The following PKP4 variants were observed in gnomAD, a reference collection of about 807,000 sequenced individuals.
PKP4 encodes plakophilin 4.
A neutral mutation model predicts 145.1 loss-of-function variants in PKP4; 90 were observed. The observed-to-expected ratio is 0.62, with a 90% CI of 0.52 to 0.74. The LOEUF (loss-of-function observed/expected upper bound fraction) is 0.74. Among genes scored for constraint, PKP4 ranks in the 30% least tolerant of loss-of-function variants. The probability of loss-of-function intolerance (pLI) is 0.00; values close to 1 mark genes in which losing one functional copy is unlikely to be tolerated. For missense variants in PKP4, 1,340 were observed against 1,482.7 expected (o/e 0.90, Z 1.58); for synonymous variants, 563 against 577.2 (o/e 0.98, Z 0.35).
At chr2:158,584,371 T>C (rs1208494914) in intron 3 of PKP4, among the ~76,000 whole-genome samples, 1 of 152,234 alleles carries the variant, frequency 6.6e-6, no homozygotes, top group East Asian at 1.9e-4. Flanking sequence ...TAGGGACCAG[T>C]GCAGCCTTCC....
At chr2:158,641,600 G>A (rs1004722737) in intron 10 of PKP4, among the ~76,000 whole-genome samples, 64 of 152,068 alleles carry the variant, frequency 4.2e-4, no homozygotes, top group Non-Finnish European at 6.5e-4. Context: ...CTGACCCACT[G>A]TGTTATATAA....
intron 8 of PKP4, among the ~76,000 whole-genome samples, chr2:158,633,162 G>C (rs2053528568): frequency 6.6e-6 from 1 of 152,212 alleles, no homozygotes; most frequent in African/African-American, 2.4e-5. Context: ...TATCCATGGA[G>C]AATACGTTCC....
At chr2:158,661,677 T>G (rs1414140792) in intron 13 of PKP4, 7 of 383,962 alleles carry the variant, frequency 1.8e-5, no homozygotes, top group Admixed American at 3.9e-5. Context: ...TGGTAAAGGC[T>G]TTCTCTCTGG....
chr2:158,543,222 A>C (rs1296112708), intron 2 of PKP4, among the ~76,000 whole-genome samples: 1 of 152,188 alleles, frequency 6.6e-6, no homozygotes, highest in Non-Finnish European at 1.5e-5. Context: ...TCTAGTCCAA[A>C]ATATCTGAAT....
At chr2:158,562,914 G>A (rs1056137838) in intron 2 of PKP4, among the ~76,000 whole-genome samples, 9 of 151,970 alleles carry the variant, frequency 5.9e-5, no homozygotes, top group Admixed American at 5.9e-4. Context: ...ATAAGATTAC[G>A]GTTGATTATC....
intron 1 of PKP4, among the ~76,000 whole-genome samples, chr2:158,461,620 A>C (rs1559170922): frequency 6.6e-6 from 1 of 152,054 alleles, no homozygotes; most frequent in Non-Finnish European, 1.5e-5. Flanking sequence ...TAGATATAGA[A>C]TAATACAGTC....
At chr2:158,566,346 A>G (rs528156077) in intron 2 of PKP4, among the ~76,000 whole-genome samples, 1 of 152,178 alleles carries the variant, frequency 6.6e-6, no homozygotes, top group South Asian at 2.1e-4. Flanking sequence ...AAAATTGGTC[A>G]TTTATTCTTT....
At chr2:158,581,194 C>T (rs1264647833) in intron 3 of PKP4, among the ~76,000 whole-genome samples, 2 of 152,154 alleles carry the variant, frequency 1.3e-5, no homozygotes, top group African/African-American at 4.8e-5. Flanking sequence ...AGCTCTTAGA[C>T]CCAGGCCCCC....
intron 2 of PKP4, among the ~76,000 whole-genome samples, chr2:158,550,520 C>T (rs1394141653): frequency 1.3e-5 from 2 of 152,148 alleles, no homozygotes; most frequent in African/African-American, 4.8e-5. Flanking sequence ...AGCACTTTAC[C>T]ACCAGGGCTG....
intron 4 of PKP4, among the ~76,000 whole-genome samples, chr2:158,605,551 C>G (rs1260982305): frequency 2.0e-5 from 3 of 152,058 alleles, no homozygotes; most frequent in Admixed American, 2.0e-4. Flanking sequence ...GGCACACATG[C>G]ATGTGAACTT....
At chr2:158,499,237 G>T (rs1377245367) in intron 1 of PKP4, among the ~76,000 whole-genome samples, 1 of 151,962 alleles carries the variant, frequency 6.6e-6, no homozygotes, top group African/African-American at 2.4e-5. Flanking sequence ...ATTAAAAAAT[G>T]GGCCCCTTTC....
intron 17 of PKP4, among the ~76,000 whole-genome samples, chr2:158,672,985 A>C (rs1249093676): frequency 6.6e-6 from 1 of 152,126 alleles, no homozygotes; most frequent in Admixed American, 6.5e-5. Flanking sequence ...AGTACCACCC[A>C]AATGTAGAGA....
chr2:158,604,779 A>G (rs760023169), intron 4 of PKP4, among the ~76,000 whole-genome samples: 2 of 152,212 alleles, frequency 1.3e-5, no homozygotes, highest in Non-Finnish European at 2.9e-5. Context: ...TACTAAAGAA[A>G]GCCTTTATTC....
At chr2:158,530,302 A>G (rs200175788) in intron 1 of PKP4, among the ~76,000 whole-genome samples, 1 of 152,086 alleles carries the variant, frequency 6.6e-6, no homozygotes, top group Non-Finnish European at 1.5e-5. Flanking sequence ...TTTTCCAAAA[A>G]CAGCCATGGC....
intron 1 of PKP4, among the ~76,000 whole-genome samples, chr2:158,482,071 T>C (rs1038260902): frequency 6.6e-6 from 1 of 152,224 alleles, no homozygotes; most frequent in South Asian, 2.1e-4. Context: ...GTCTAAAATA[T>C]ATCCACTAGT....
intron 2 of PKP4, among the ~76,000 whole-genome samples, chr2:158,566,635 C>T (rs1208645068): frequency 6.6e-6 from 1 of 152,068 alleles, no homozygotes; most frequent in Non-Finnish European, 1.5e-5. Context: ...AAATAACTAC[C>T]TTGTTGGAAA....
chr2:158,493,685 T>G (rs546534288), intron 1 of PKP4, among the ~76,000 whole-genome samples: 1 of 152,372 alleles, frequency 6.6e-6, no homozygotes, highest in African/African-American at 2.4e-5. Flanking sequence ...TTCTAGTCCC[T>G]GTAGGTGTCT....
intron 1 of PKP4, among the ~76,000 whole-genome samples, chr2:158,503,828 A>C (rs1276075388): frequency 6.6e-6 from 1 of 152,190 alleles, no homozygotes; most frequent in Non-Finnish European, 1.5e-5. Context: ...TGTATACCAC[A>C]ATCACCTGGA....
Position 158,676,752 on chromosome 2 carries a change from T to G in PKP4, c.3141T>G (p.Ser1047=). The G allele has an allele frequency of 1.9e-6, 3 of 1,614,150 alleles. No individual in the cohort carries two copies. The highest frequency in any genetic ancestry group is 2.5e-6 in the Non-Finnish European group (3 of 1,180,008). ...CTCTCCCTTCAGTCGGCAGCACCTC[T>G]TCCTCACCAGCACTGTTAGGAATCA... The part of the protein sequence containing the change: ...SPIIQSVGST[S]SSPALLGIRD... Residue 1047 remains serine (S), a synonymous_variant, in exon 20 of 22, where the codon TCT becomes TCG. Coordinates refer to ENST00000389759, the MANE Select transcript of PKP4 (RefSeq NM_003628.6).
Sources: allele counts gnomAD v4.1 joint callset (sites outside exome capture counted in the v4.1 genomes callset), GRCh38; gene constraint gnomAD v4.1.1; transcripts MANE v1.5; gene names NCBI Gene and HGNC (gene_info 2026-07-23, HGNC 2026-07-21).